CAPN8: variants seen among roughly 807,000 people sequenced by gnomAD.
CAPN8 encodes the protein calpain 8, also known as calpain-8.
A neutral mutation model predicts 80.9 loss-of-function variants in CAPN8; 87 were observed. The ratio of observed to expected loss-of-function variants is 1.07; its 90% CI spans 0.90 to 1.28. The LOEUF (loss-of-function observed/expected upper bound fraction) is 1.28, where lower values mean the gene tolerates loss of function less well. Among genes scored for constraint, CAPN8 ranks in the 50% most tolerant of loss-of-function variants. CAPN8 has a pLI of 0.00. For synonymous variants in CAPN8, 299 were observed against 273.8 expected, an observed-to-expected ratio of 1.09 and a Z score of -0.91; for missense variants, 757 against 702.0, an observed-to-expected ratio of 1.08 and a Z score of -0.89.
intron 2 of CAPN8, among the ~76,000 whole-genome samples, chr1:223,653,648 G>A (rs1019722037): frequency 6.6e-6 from 1 of 152,114 alleles, no homozygotes; most frequent in African/African-American, 2.4e-5. Flanking sequence ...AAAATGTAAG[G>A]ATTGTCCAAT....
At chr1:223,634,748 C>T (rs73125614) in intron 2 of CAPN8, among the ~76,000 whole-genome samples, 6,100 of 152,194 alleles carry the variant, frequency 0.04, 297 homozygotes, top group African/African-American at 0.12. Flanking sequence ...GGCACTAATC[C>T]CATTGATGAG....
At chr1:223,555,984 A>C (rs917647352) in intron 13 of CAPN8, among the ~76,000 whole-genome samples, 3 of 152,244 alleles carry the variant, frequency 2.0e-5, no homozygotes. Flanking sequence ...GATACAATCT[A>C]TATGAAAATG....
chr1:223,544,633 A>G, intron 18 of CAPN8, 139 bp downstream of exon 18: 1 of 1,223,044 alleles, frequency 8.2e-7, no homozygotes, highest in Non-Finnish European at 1.1e-6. Flanking sequence ...GAAGGTACTC[A>G]ACAAAGCTCT....
At chr1:223,662,304 C>A (rs754503875) in intron 1 of CAPN8, among the ~76,000 whole-genome samples, 3 of 151,970 alleles carry the variant, frequency 2.0e-5, no homozygotes, top group Admixed American at 1.3e-4. Context: ...AAAAAATTAG[C>A]CAGGCTTGGT....
At chr1:223,630,315 TCA>T (rs1454116300) in intron 2 of CAPN8, among the ~76,000 whole-genome samples, 1 of 151,634 alleles carries the variant, frequency 6.6e-6, no homozygotes. Context: ...TCTCTCTGTC[TCA>T]CACACACACA....
At chr1:223,629,564 C>G (rs1350528766) in intron 2 of CAPN8, among the ~76,000 whole-genome samples, 1 of 152,200 alleles carries the variant, frequency 6.6e-6, no homozygotes, top group Non-Finnish European at 1.5e-5. Flanking sequence ...CATCGTTGTC[C>G]CTTGCAGTGT....
chr1:223,652,343 A>AATAT (rs370424221), intron 2 of CAPN8, among the ~76,000 whole-genome samples: 1 of 150,860 alleles, frequency 6.6e-6, no homozygotes, highest in Non-Finnish European at 1.5e-5. Context: ...CCCTGTCTCA[A>AATAT]ATATATATAT....
At chr1:223,542,210 T>C (rs890638733) in intron 20 of CAPN8, among the ~76,000 whole-genome samples, 25 of 152,100 alleles carry the variant, frequency 1.6e-4, no homozygotes, top group African/African-American at 5.8e-4. Flanking sequence ...TATATATCCC[T>C]ATAGATTCCT....
Position 223,620,192 on chromosome 1 carries a change from C to T in CAPN8, c.974G>A (p.Trp325Ter). 6.4e-7 allele frequency: 1 copy of T among 1,551,574 alleles called. No individual in the cohort carries two copies. Among genetic ancestry groups the T allele is most frequent in the Non-Finnish European group, 8.7e-7 (1 of 1,146,936 alleles). ...GCGCTTCAGCAGAAAACTCTCTCAC[C>T]AGAATTCTCCATCCTCAACTTTCTT... ...LDKKVEDGEF[W>*]MSLSDFVRQF... The change falls in exon 8 of 21, where the codon TGG becomes TAG. Residue 325 changes from tryptophan to a stop codon, truncating the protein, a stop_gained and splice_region_variant. Coordinates refer to ENST00000366872, the MANE Select transcript of CAPN8 (RefSeq NM_001143962.2). LOFTEE classifies it high-confidence loss of function.
chr1:223,551,867 G>A (rs1656794313), intron 14 of CAPN8, among the ~76,000 whole-genome samples: 1 of 152,204 alleles, frequency 6.6e-6, no homozygotes, highest in Admixed American at 6.5e-5. Flanking sequence ...CAAAGTGCCG[G>A]CTTTCCCCAC....
intron 17 of CAPN8, 140 bp from the exon 18 acceptor site, chr1:223,544,990 T>C (rs1404396445): frequency 6.8e-7 from 1 of 1,476,412 alleles, no homozygotes; most frequent in African/African-American, 1.4e-5. Context: ...CAAGAAGGTT[T>C]CAGAGCAAGC....
intron 16 of CAPN8, among the ~76,000 whole-genome samples, chr1:223,545,821 CTTT>C (rs141485616): frequency 2.0e-5 from 2 of 98,598 alleles, no homozygotes; most frequent in African/African-American, 4.3e-5. Context: ...CACTCCACAA[CTTT>C]TTTTTTTTTT....
rs192823186 is a variant in CAPN8, at chr1:223,620,759, C to T, written c.900-493G>A. ...CATGGACATGGTTCACTTCCTTACA[C>T]CCACGAGAATGATCATCCAGCCCAG... is the stretch of plus-strand genomic sequence containing the variant. On this transcript the variant is annotated intron_variant, in intron 7 of 20. Transcript: ENST00000366872. Among the ~76,000 whole-genome samples, 517 of 152,258 alleles carry T rather than the reference C, an allele frequency of 3.4e-3. 2 individuals carry two copies. Among genetic ancestry groups the T allele is most frequent in the Non-Finnish European group, 4.8e-3 (325 of 68,018 alleles).
chr1:223,556,805 C>T (rs1405357860), intron 13 of CAPN8, among the ~76,000 whole-genome samples: 1 of 152,192 alleles, frequency 6.6e-6, no homozygotes, highest in African/African-American at 2.4e-5. Context: ...AATTCAGGCT[C>T]AGCTCCATAC....
chr1:223,665,504 T>A lies in CAPN8; in HGVS notation c.143A>T (p.Asp48Val). 1 of 1,551,580 alleles carries A rather than the reference T, an allele frequency of 6.4e-7. No individual in the cohort carries two copies. ...QCLDSGVLFK[D>V]PEFPACPSAL... ...TGATGGACATGCTGGGAACTCAGGG[T>A]CCTTAAATAGGACCCCTGAGTCCAA... Residue 48 changes from aspartate (D) to valine (V), a missense_variant, in exon 1 of 21, where the codon GAC becomes GTC. Transcript: ENST00000366872.
chr1:223,640,522 G>A (rs1045247520), intron 2 of CAPN8, among the ~76,000 whole-genome samples: 4 of 152,044 alleles, frequency 2.6e-5, no homozygotes, highest in Admixed American at 6.6e-5. Context: ...CCCATCTCAG[G>A]CATCAGAGCC....
intron 1 of CAPN8, among the ~76,000 whole-genome samples, chr1:223,663,597 G>T (rs1658708134): frequency 6.6e-6 from 1 of 152,130 alleles, no homozygotes; most frequent in South Asian, 2.1e-4. Context: ...CCCATGCCTG[G>T]CACAAAATGG....
At chr1:223,652,016 C>T (rs1040261409) in intron 2 of CAPN8, among the ~76,000 whole-genome samples, 4 of 152,166 alleles carry the variant, frequency 2.6e-5, no homozygotes, top group East Asian at 3.8e-4. Flanking sequence ...CAGACTTCAC[C>T]GGGTGCCTTT....
At chr1:223,546,626 C>T (rs1168733926) in intron 16 of CAPN8, among the ~76,000 whole-genome samples, 2 of 152,176 alleles carry the variant, frequency 1.3e-5, no homozygotes, top group African/African-American at 2.4e-5. Context: ...ATACTTGTAT[C>T]TCATTTCATC....
Sources: allele counts gnomAD v4.1 joint callset (sites outside exome capture counted in the v4.1 genomes callset), GRCh38; gene constraint gnomAD v4.1.1; transcripts MANE v1.5; gene names NCBI Gene and HGNC (gene_info 2026-07-23, HGNC 2026-07-21).